TBX15: variants seen among roughly 807,000 people sequenced by gnomAD.
TBX15 encodes the protein T-box transcription factor TBX15.
TBX15 carries 18 observed loss-of-function variants against 53.9 expected under a neutral mutation model. The ratio of observed to expected loss-of-function variants is 0.33; its 90% CI spans 0.23 to 0.49. The LOEUF (loss-of-function observed/expected upper bound fraction) is 0.49, where lower values mean the gene tolerates loss of function less well. TBX15 is among the 20% of genes least tolerant of loss of function. The pLI is 0.98. For synonymous variants in TBX15, 295 were observed against 278.0 expected (o/e 1.06, Z -0.61); for missense variants, 692 against 749.5 (o/e 0.92, Z 0.90).
At chr1:118,986,362 G>A (rs1174383002) in intron 1 of TBX15, among the ~76,000 whole-genome samples, 1 of 152,026 alleles carries the variant, frequency 6.6e-6, no homozygotes, top group Non-Finnish European at 1.5e-5. Context: ...TCTTTTCATC[G>A]ACTAATAAAA....
chr1:118,953,777 T>C (rs984523495), intron 1 of TBX15, among the ~76,000 whole-genome samples: 7 of 152,240 alleles, frequency 4.6e-5, no homozygotes, highest in African/African-American at 1.7e-4. Flanking sequence ...AATTTTTTGA[T>C]GAATGTTCTT....
chr1:118,951,533 C>G (rs1020333647), intron 1 of TBX15, among the ~76,000 whole-genome samples: 1 of 152,196 alleles, frequency 6.6e-6, no homozygotes, highest in Non-Finnish European at 1.5e-5. Context: ...TCCTTCCTCT[C>G]TTGTTGGCAA....
intron 1 of TBX15, among the ~76,000 whole-genome samples, chr1:118,942,474 A>G (rs1656213727): frequency 6.6e-6 from 1 of 152,204 alleles, no homozygotes; most frequent in Non-Finnish European, 1.5e-5. Flanking sequence ...CTTGAATGCT[A>G]TTCTTCTCAT....
intron 1 of TBX15, among the ~76,000 whole-genome samples, chr1:118,980,342 A>G (rs1466985460): frequency 6.6e-6 from 1 of 152,104 alleles, no homozygotes; most frequent in East Asian, 1.9e-4. Context: ...AAAAAACTCC[A>G]AGGCTCCGGG....
At chr1:118,896,746 T>C (rs183555617) in intron 7 of TBX15, among the ~76,000 whole-genome samples, 25 of 152,328 alleles carry the variant, frequency 1.6e-4, no homozygotes, top group African/African-American at 5.5e-4. Flanking sequence ...TGCATGGCTG[T>C]GTCTCTTCTC....
At position 118,953,725 on chromosome 1, in the gene TBX15, T is replaced by C. The variant is rs541520766; in HGVS notation, c.206-21893A>G. ...TTTTTTCTTTTTTTAAGTTTATTGG[T>C]TTTCACTCTCAAGAAAGTGAACAAT... On this transcript the variant is annotated intron_variant, in intron 1 of 7. Coordinates refer to ENST00000369429, the MANE Select transcript of TBX15 (RefSeq NM_001330677.2). 2.6e-5 allele frequency among the ~76,000 whole-genome samples: 4 copies of C among 152,314 alleles called. No individual in the cohort carries two copies. The East Asian group carries it at 5.8e-4, about 22-fold the overall frequency.
chr1:118,911,952 A>G (rs939364188), intron 6 of TBX15, among the ~76,000 whole-genome samples: 1 of 152,196 alleles, frequency 6.6e-6, no homozygotes, highest in African/African-American at 2.4e-5. Context: ...TCTTCTTTGC[A>G]TTTATCAATA....
At chr1:118,915,878 G>A (rs2645286) in intron 5 of TBX15, among the ~76,000 whole-genome samples, 23,533 of 152,178 alleles carry the variant, frequency 0.15, 2,093 homozygotes, top group Non-Finnish European at 0.18. Flanking sequence ...GGGCCCGGGG[G>A]AAATGGTTAA....
chr1:118,920,150 T>A (rs1295540677), intron 5 of TBX15, among the ~76,000 whole-genome samples: 2 of 152,192 alleles, frequency 1.3e-5, no homozygotes, highest in African/African-American at 4.8e-5. Flanking sequence ...TCGTGTTTTC[T>A]ACATCATACT....
At chr1:118,924,980 G>A (rs1478350126) in intron 3 of TBX15, among the ~76,000 whole-genome samples, 163 bp from the exon 4 acceptor site, 1 of 151,960 alleles carries the variant, frequency 6.6e-6, no homozygotes, top group Non-Finnish European at 1.5e-5. Context: ...AAAAGAGAAG[G>A]GCAGATAACC....
chr1:118,932,641 T>G (rs1479708751), intron 1 of TBX15, among the ~76,000 whole-genome samples: 1 of 152,110 alleles, frequency 6.6e-6, no homozygotes, highest in East Asian at 1.9e-4. Context: ...AAATAAAAAG[T>G]TGGCATGCTG....
At chr1:118,982,697 A>G (rs1657686196) in intron 1 of TBX15, among the ~76,000 whole-genome samples, 1 of 152,252 alleles carries the variant, frequency 6.6e-6, no homozygotes, top group African/African-American at 2.4e-5. Context: ...TTCATAATTA[A>G]AAGATTTTTA....
In TBX15 at chr1:118,922,495, C is replaced by T. The variant is rs751250408; in HGVS notation, c.861+941G>A. ...ACGTTTCCTTATTTAGTCCTCATAG[C>T]TCTACGAGGCAGGCGCATTTTCAAG... is the stretch of plus-strand genomic sequence containing the variant. On this transcript the variant is annotated intron_variant, in intron 5 of 7. Coordinates refer to ENST00000369429, the MANE Select transcript of TBX15 (RefSeq NM_001330677.2). 2.0e-5 allele frequency among the ~76,000 whole-genome samples: 3 copies of T among 152,144 alleles called. No homozygotes were observed. The South Asian group carries it at 6.2e-4, about 32-fold the overall frequency.
intron 1 of TBX15, among the ~76,000 whole-genome samples, chr1:118,963,070 T>A (rs756908951): frequency 6.6e-6 from 1 of 152,228 alleles, no homozygotes; most frequent in Non-Finnish European, 1.5e-5. Flanking sequence ...TCTCTGAAAG[T>A]CTTTCTAACC....
At chr1:118,908,951 C>T (rs1654934960) in intron 6 of TBX15, among the ~76,000 whole-genome samples, 1 of 151,834 alleles carries the variant, frequency 6.6e-6, no homozygotes, top group Non-Finnish European at 1.5e-5. Context: ...CACATGCATG[C>T]ATGCTCCCAG....
At chr1:118,894,394 A>G (rs1047645040) in intron 7 of TBX15, among the ~76,000 whole-genome samples, 2 of 152,188 alleles carry the variant, frequency 1.3e-5, no homozygotes, top group East Asian at 3.8e-4. Flanking sequence ...TCTAGCGACA[A>G]TGTTAAGGAA....
intron 7 of TBX15, chr1:118,890,818 A>T: frequency 8.4e-7 from 1 of 1,194,744 alleles, no homozygotes; most frequent in Non-Finnish European, 1.1e-6. Flanking sequence ...AAAAACAGTA[A>T]GGCAAAACCC....
chr1:118,896,743 C>T (rs1654442296), intron 7 of TBX15, among the ~76,000 whole-genome samples: 1 of 152,190 alleles, frequency 6.6e-6, no homozygotes, highest in Non-Finnish European at 1.5e-5. Flanking sequence ...GCATGCATGG[C>T]TGTGTCTCTT....
At chr1:118,926,379 C>T in intron 3 of TBX15, 131 bp downstream of exon 3, 3 of 834,800 alleles carry the variant, frequency 3.6e-6, no homozygotes, top group Non-Finnish European at 6.0e-6. Context: ...CTGCCACAGG[C>T]CATTGACATA....
Sources: allele counts gnomAD v4.1 joint callset (sites outside exome capture counted in the v4.1 genomes callset), GRCh38; gene constraint gnomAD v4.1.1; transcripts MANE v1.5; gene names NCBI Gene and HGNC (gene_info 2026-07-23, HGNC 2026-07-21).